The following KSR2 variants were observed in gnomAD, a reference collection of about 807,000 sequenced individuals.
KSR2 encodes the protein kinase suppressor of ras 2.
In KSR2, 25 loss-of-function variants were observed where a neutral mutation model predicts 107.8. The ratio of observed to expected loss-of-function variants is 0.23; its 90% CI spans 0.17 to 0.32. The LOEUF (loss-of-function observed/expected upper bound fraction) is 0.32. KSR2 is among the 10% of genes least tolerant of loss of function. The pLI is 1.00. For synonymous variants in KSR2, 480 were observed against 507.0 expected (o/e 0.95, Z 0.71); for missense variants, 887 against 1,268.9 (o/e 0.70, Z 4.57).
intron 1 of KSR2, among the ~76,000 whole-genome samples, chr12:117,862,536 T>C (rs1029856142): frequency 6.6e-6 from 1 of 151,802 alleles, no homozygotes; most frequent in Admixed American, 6.6e-5. Flanking sequence ...AAATCCTCAC[T>C]CAGGAGGCTG....
chr12:117,509,081 C>T (rs1407303499), intron 14 of KSR2, among the ~76,000 whole-genome samples: 1 of 152,052 alleles, frequency 6.6e-6, no homozygotes, highest in Non-Finnish European at 1.5e-5. Flanking sequence ...GATGCGTGAT[C>T]ATTCACTTCT....
chr12:117,636,614 A>G (rs1883091191), intron 5 of KSR2, among the ~76,000 whole-genome samples: 1 of 152,070 alleles, frequency 6.6e-6, no homozygotes. Flanking sequence ...ATTCATCTGG[A>G]AAAAAAATAG....
intron 1 of KSR2, among the ~76,000 whole-genome samples, chr12:117,884,493 C>T (rs781179326): frequency 1.2e-4 from 19 of 152,152 alleles, no homozygotes; most frequent in Non-Finnish European, 2.2e-4. Context: ...AGTTCTCTTG[C>T]TTGTAGCAGC....
chr12:117,955,436 G>A (rs1896483598), intron 1 of KSR2, among the ~76,000 whole-genome samples: 1 of 152,072 alleles, frequency 6.6e-6, no homozygotes, highest in African/African-American at 2.4e-5. Flanking sequence ...TATAAACAAG[G>A]AAACTGAGGC....
intron 12 of KSR2, among the ~76,000 whole-genome samples, chr12:117,529,703 C>G (rs1190321804): frequency 6.6e-6 from 1 of 151,964 alleles, no homozygotes; most frequent in African/African-American, 2.4e-5. Context: ...TCATTTTACA[C>G]CCATTAAAAA....
chr12:117,522,593 C>A (rs1874834123), intron 14 of KSR2, among the ~76,000 whole-genome samples: 1 of 152,212 alleles, frequency 6.6e-6, no homozygotes, highest in South Asian at 2.1e-4. Flanking sequence ...CATGTCCTTG[C>A]AGTGGGACAT....
chr12:117,793,667 C>A (rs1221845049), intron 3 of KSR2, among the ~76,000 whole-genome samples: 1 of 146,542 alleles, frequency 6.8e-6, no homozygotes, highest in Non-Finnish European at 1.5e-5. Context: ...TGCACACATA[C>A]AACATGCACA....
chr12:117,738,690 C>T (rs192803694), intron 4 of KSR2, among the ~76,000 whole-genome samples: 1 of 152,008 alleles, frequency 6.6e-6, no homozygotes, highest in Non-Finnish European at 1.5e-5. Flanking sequence ...GCCTGGCCAA[C>T]ACAGTGAAAC....
chr12:117,717,666 GGT>G (rs55910019), intron 4 of KSR2, among the ~76,000 whole-genome samples: 6,106 of 144,262 alleles, frequency 0.042, 158 homozygotes, highest in East Asian at 0.1. Flanking sequence ...GGGGCAGACA[GGT>G]GTGTGTGTGT....
At position 117,455,585 on chromosome 12, in the gene KSR2, A is replaced by G. The variant is rs1016512570; in HGVS notation, c.*11614T>C. 7 of 152,122 alleles carry G rather than the reference A, an allele frequency of 4.6e-5. No homozygotes were observed. The highest frequency in any genetic ancestry group is 1.0e-4 in the Non-Finnish European group (7 of 68,038). 9.4% of individuals were successfully genotyped at this position (152,122 alleles called of 1,614,324 possible). A position where few individuals can be genotyped will look rare whatever the true frequency, so the allele number is the denominator to read the frequency against. Reference sequence around the variant, plus strand: ...GGACTCCTAGTACCCTGAAGGCAGCACCCACTTTTCTCCATTTTTTCCAGA... The same window carrying G: ...GGACTCCTAGTACCCTGAAGGCAGCGCCCACTTTTCTCCATTTTTTCCAGA... On this transcript the variant is annotated 3_prime_UTR_variant, in exon 20 of 20. Coordinates refer to ENST00000339824, the MANE Select transcript of KSR2 (RefSeq NM_173598.6).
chr12:117,467,680 T>C, intron 19 of KSR2: 1 of 338,856 alleles, frequency 3.0e-6, no homozygotes, highest in South Asian at 2.4e-5. Context: ...GAAGAGGGGG[T>C]GGGACTGGGA....
At chr12:117,905,590 T>C (rs1479812305) in intron 1 of KSR2, among the ~76,000 whole-genome samples, 1 of 152,098 alleles carries the variant, frequency 6.6e-6, no homozygotes, top group Non-Finnish European at 1.5e-5. Flanking sequence ...TCCACAGCTA[T>C]GGTATACAAG....
intron 3 of KSR2, among the ~76,000 whole-genome samples, chr12:117,845,219 T>G (rs1892657064): frequency 6.6e-6 from 1 of 152,158 alleles, no homozygotes; most frequent in Admixed American, 6.5e-5. Context: ...TCGATAACAA[T>G]GAGAGATAAC....
chr12:117,929,462 G>A (rs112987584), intron 1 of KSR2, among the ~76,000 whole-genome samples: 4 of 152,156 alleles, frequency 2.6e-5, no homozygotes, highest in Admixed American at 1.3e-4. Context: ...CCATGATTGT[G>A]AGGCCTCCCC....
At chr12:117,617,191 C>T (rs1369661999) in intron 5 of KSR2, among the ~76,000 whole-genome samples, 1 of 152,188 alleles carries the variant, frequency 6.6e-6, no homozygotes, top group Non-Finnish European at 1.5e-5. Context: ...ATCAAAAAGA[C>T]CTTTTCAATG....
chr12:117,575,969 A>C (rs748662565), intron 7 of KSR2, among the ~76,000 whole-genome samples: 16 of 152,138 alleles, frequency 1.1e-4, no homozygotes, highest in Non-Finnish European at 2.4e-4. Context: ...TGGAGCTGGG[A>C]CCCAAACTCA....
intron 4 of KSR2, among the ~76,000 whole-genome samples, chr12:117,674,916 C>T (rs1247320659): frequency 3.9e-5 from 6 of 152,162 alleles, no homozygotes; most frequent in Non-Finnish European, 7.4e-5. Context: ...TCTAGCTGTT[C>T]GGGTCATCTT....
At chr12:117,901,298 T>C (rs1894675652) in intron 1 of KSR2, among the ~76,000 whole-genome samples, 1 of 151,864 alleles carries the variant, frequency 6.6e-6, no homozygotes, top group Admixed American at 6.6e-5. Flanking sequence ...ATACTTTTTT[T>C]TCTTTTTTTC....
intron 3 of KSR2, among the ~76,000 whole-genome samples, chr12:117,794,171 C>T (rs372420815): frequency 1.1e-4 from 14 of 128,494 alleles, no homozygotes; most frequent in Non-Finnish European, 1.9e-4. Context: ...CACCAACATG[C>T]GCACACACCA....
Sources: gnomAD v4.1 joint callset for allele counts (sites outside exome capture counted in the v4.1 genomes callset) on GRCh38, gnomAD v4.1.1 for gene constraint, MANE v1.5 for transcripts, NCBI Gene and HGNC (gene_info 2026-07-23, HGNC 2026-07-21) for gene names.